Variants in ZBTB20 observed in about 807,000 individuals in gnomAD.
ZBTB20 encodes the protein zinc finger and BTB domain-containing protein 20.
ZBTB20 carries 9 observed loss-of-function variants against 56.9 expected under a neutral mutation model. The observed-to-expected ratio is 0.16, with a 90% CI of 0.10 to 0.28. ZBTB20 has a LOEUF of 0.28. Ranked by LOEUF, ZBTB20 falls within the 10% of genes least tolerant of loss-of-function variation. The pLI, the probability that ZBTB20 is intolerant of heterozygous loss-of-function variation, is 1.00. For missense variants in ZBTB20, 655 were observed against 1,003.0 expected, an observed-to-expected ratio of 0.65 and a Z score of 4.69; for synonymous variants, 417 against 420.7, an observed-to-expected ratio of 0.99 and a Z score of 0.11.
intron 3 of ZBTB20, among the ~76,000 whole-genome samples, chr3:114,961,867 T>C (rs1054188530): frequency 2.6e-5 from 4 of 152,136 alleles, no homozygotes; most frequent in African/African-American, 9.6e-5. Flanking sequence ...GCTATTGTTA[T>C]GGTTATTTCA....
chr3:115,080,899 A>G (rs1465604456), intron 1 of ZBTB20, among the ~76,000 whole-genome samples: 1 of 152,210 alleles, frequency 6.6e-6, no homozygotes, highest in Non-Finnish European at 1.5e-5. Context: ...CATTTCAGAT[A>G]TAAAAACAAG....
rs542889866 is a variant in ZBTB20, at chr3:114,741,379, T to C, written c.-342-47804A>G. ...TTATTGGACAGTCAAATAATTTCTT[T>C]CTGTCCACCCAAAAACATAATTTCT... On this transcript the variant is annotated intron_variant, in intron 5 of 11. Coordinates refer to ENST00000675478, the MANE Select transcript of ZBTB20 (RefSeq NM_001348800.3). Among the ~76,000 whole-genome samples the C allele has an allele frequency of 5.9e-5, 9 of 152,284 alleles. No homozygotes were observed. The South Asian group carries it at 8.3e-4, about 14-fold the overall frequency.
intron 7 of ZBTB20, among the ~76,000 whole-genome samples, chr3:114,416,727 G>T (rs2733394): frequency 3.3e-5 from 5 of 151,882 alleles, no homozygotes; most frequent in African/African-American, 9.7e-5. Context: ...TTTTCAGGGG[G>T]TTATAACTCA....
intron 5 of ZBTB20, among the ~76,000 whole-genome samples, chr3:114,708,574 A>G (rs577538039): frequency 3.3e-5 from 5 of 152,330 alleles, no homozygotes; most frequent in South Asian, 4.1e-4. Flanking sequence ...AGAGTTGATT[A>G]AATAAATGAC....
In ZBTB20 at chr3:114,314,816, G is replaced by A. The variant is rs1190395098; in HGVS notation, c.*24189C>T. ...TAATAATATAATAGTATAATGAAGCGCTACAGTTAATTTTTCTTTTTTTGA... is the reference window on the plus strand; with the variant it reads ...TAATAATATAATAGTATAATGAAGCACTACAGTTAATTTTTCTTTTTTTGA... On this transcript the variant is annotated 3_prime_UTR_variant, in exon 12 of 12. Transcript: ENST00000675478. The A allele has an allele frequency of 6.6e-6, 1 of 151,764 alleles. No homozygotes were observed. The highest frequency in any genetic ancestry group is 2.4e-5 in the African/African-American group (1 of 41,334). 9.4% of individuals were successfully genotyped at this position (151,764 alleles called of 1,614,324 possible). A position where few individuals can be genotyped will look rare whatever the true frequency, so the allele number is the denominator to read the frequency against.
rs1438711192 is a variant in ZBTB20 at position 114,328,580 on chromosome 3, T to C, written c.*10425A>G. 11 of 152,194 alleles carry C rather than the reference T, an allele frequency of 7.2e-5. No individual in the cohort carries two copies. The highest frequency in any genetic ancestry group is 2.7e-4 in the African/African-American group (11 of 41,456). 9.4% of individuals were successfully genotyped at this position (152,194 alleles called of 1,614,324 possible). A position where few individuals can be genotyped will look rare whatever the true frequency, so the allele number is the denominator to read the frequency against. On this transcript the variant is annotated 3_prime_UTR_variant, in exon 12 of 12. Coordinates refer to ENST00000675478, the MANE Select transcript of ZBTB20 (RefSeq NM_001348800.3). ...AAGGGGAATTAATGACCTCAGCTAG[T>C]ACAGTTGACATTTAAAACTGTGACT...
chr3:114,747,611 T>A lies in ZBTB20; in HGVS notation c.-343+53490A>T, dbSNP rs553595406. Among the ~76,000 whole-genome samples, 88 of 152,154 alleles carry A rather than the reference T, an allele frequency of 5.8e-4. 1 individual carries two copies. The highest frequency in any genetic ancestry group is 2.1e-3 in the African/African-American group (87 of 41,466). Reference sequence around the variant, plus strand: ...TTCATATTTTTAAAATACAGCAATATTCATTTGTTTAAAAAACAAGATTGA... The same window carrying A: ...TTCATATTTTTAAAATACAGCAATAATCATTTGTTTAAAAAACAAGATTGA... On this transcript the variant is annotated intron_variant, in intron 5 of 11. Coordinates refer to ENST00000675478, the MANE Select transcript of ZBTB20 (RefSeq NM_001348800.3).
chr3:114,831,139 T>A (rs1002464152), intron 4 of ZBTB20, among the ~76,000 whole-genome samples: 3 of 139,506 alleles, frequency 2.2e-5, no homozygotes, highest in Non-Finnish European at 3.1e-5. Context: ...CCAACCTTTT[T>A]AAAATATAAT....
At chr3:114,764,165 GA>G (rs1256124459) in intron 5 of ZBTB20, among the ~76,000 whole-genome samples, 1 of 151,656 alleles carries the variant, frequency 6.6e-6, no homozygotes, top group Non-Finnish European at 1.5e-5. Context: ...TTCAGAGCCA[GA>G]ATTTTTAAGC....
At chr3:115,082,028 C>T (rs1282486828) in intron 1 of ZBTB20, among the ~76,000 whole-genome samples, 1 of 152,092 alleles carries the variant, frequency 6.6e-6, no homozygotes, top group African/African-American at 2.4e-5. Context: ...TTTAAAAAAA[C>T]AACATTAAAA....
Position 114,323,473 on chromosome 3 carries a change from C to T in ZBTB20, c.*15532G>A, listed in dbSNP as rs1318330142. 5.3e-5 allele frequency: 8 copies of T among 152,216 alleles called. No individual in the cohort carries two copies. The East Asian group carries it at 1.3e-3, about 26-fold the overall frequency. 9.4% of individuals were successfully genotyped at this position (152,216 alleles called of 1,614,324 possible). A position where few individuals can be genotyped will look rare whatever the true frequency, so the allele number is the denominator to read the frequency against. On this transcript the variant is annotated 3_prime_UTR_variant, in exon 12 of 12. Coordinates refer to ENST00000675478, the MANE Select transcript of ZBTB20 (RefSeq NM_001348800.3). ...TCACCCAGGGATGGAGAAGCATAAT[C>T]AGGCTGAAAAGTAATTCCAATATGG...
intron 2 of ZBTB20, among the ~76,000 whole-genome samples, chr3:115,007,066 T>C (rs1345188832): frequency 1.3e-5 from 2 of 151,876 alleles, no homozygotes; most frequent in Non-Finnish European, 1.5e-5. Flanking sequence ...TTCTGCAAAA[T>C]AGTTCTATCT....
chr3:114,347,620 A>G (rs1008909236), intron 11 of ZBTB20, among the ~76,000 whole-genome samples: 7 of 152,160 alleles, frequency 4.6e-5, no homozygotes, highest in Admixed American at 6.5e-5. Flanking sequence ...TTATTTCCAC[A>G]TGTTCCGGCT....
At chr3:114,975,826 A>T (rs903121880) in intron 2 of ZBTB20, among the ~76,000 whole-genome samples, 3 of 152,218 alleles carry the variant, frequency 2.0e-5, no homozygotes, top group Non-Finnish European at 4.4e-5. Context: ...TACTTTTATT[A>T]ATTTATTACC....
chr3:114,890,589 C>T (rs181114818), intron 4 of ZBTB20, among the ~76,000 whole-genome samples: 25 of 152,056 alleles, frequency 1.6e-4, no homozygotes, highest in Admixed American at 7.2e-4. Context: ...CATCACACAC[C>T]GGGCCTGTCC....
At chr3:114,787,903 G>A (rs547377508) in intron 5 of ZBTB20, among the ~76,000 whole-genome samples, 1 of 152,208 alleles carries the variant, frequency 6.6e-6, no homozygotes, top group East Asian at 1.9e-4. Context: ...AAATGAGAAT[G>A]TCTAACATAG....
At chr3:114,844,861 T>TTC (rs2074611851) in intron 4 of ZBTB20, among the ~76,000 whole-genome samples, 1 of 2,146 alleles carries the variant, frequency 4.7e-4, no homozygotes. Context: ...TTTCTTTTTC[T>TTC]TTTTTTTTTT....
At chr3:115,018,359 G>T (rs2080064841) in intron 2 of ZBTB20, among the ~76,000 whole-genome samples, 1 of 151,280 alleles carries the variant, frequency 6.6e-6, no homozygotes, top group Non-Finnish European at 1.5e-5. Context: ...AATTTCAGCA[G>T]GATTATTTAT....
At chr3:114,667,975 A>G (rs2061154349) in intron 6 of ZBTB20, among the ~76,000 whole-genome samples, 1 of 151,982 alleles carries the variant, frequency 6.6e-6, no homozygotes, top group African/African-American at 2.4e-5. Flanking sequence ...CTCTGTCAAC[A>G]TTTCTGATAA....
Sources: gnomAD v4.1 joint callset for allele counts (sites outside exome capture counted in the v4.1 genomes callset) on GRCh38, gnomAD v4.1.1 for gene constraint, MANE v1.5 for transcripts, NCBI Gene and HGNC (gene_info 2026-07-23, HGNC 2026-07-21) for gene names.